The following PCDH10 variants were observed in gnomAD, a reference collection of about 807,000 sequenced individuals.
PCDH10 encodes protocadherin-10.
PCDH10 carries 15 observed loss-of-function variants against 74.4 expected under a neutral mutation model. The observed-to-expected ratio is 0.20, with a 90% CI of 0.13 to 0.31. The LOEUF is 0.31. Among genes scored for constraint, PCDH10 ranks in the 10% least tolerant of loss-of-function variants. The pLI, the probability that PCDH10 is intolerant of heterozygous loss-of-function variation, is 1.00. For synonymous variants in PCDH10, 619 were observed against 589.8 expected (o/e 1.05, Z -0.72); for missense variants, 1,260 against 1,390.2 (o/e 0.91, Z 1.49).
At chr4:133,173,003 C>T (rs560563788) in intron 4 of PCDH10, among the ~76,000 whole-genome samples, 2 of 152,036 alleles carry the variant, frequency 1.3e-5, no homozygotes, top group South Asian at 4.2e-4. Context: ...TTGATTGAAA[C>T]TTAATCCTTT....
At chr4:133,175,066 A>G (rs1313533891) in intron 4 of PCDH10, among the ~76,000 whole-genome samples, 1 of 151,850 alleles carries the variant, frequency 6.6e-6, no homozygotes, top group Non-Finnish European at 1.5e-5. Flanking sequence ...GTGTGCTTAT[A>G]TATCCAATAT....
In PCDH10 at chr4:133,151,029, G is replaced by T; in HGVS notation, c.889G>T (p.Ala297Ser). 6.2e-7 allele frequency: 1 copy of T among 1,613,912 alleles called. No individual in the cohort carries two copies. Among genetic ancestry groups the T allele is most frequent in the Non-Finnish European group, 8.5e-7 (1 of 1,180,042 alleles). Residue 297 changes from alanine (A) to serine (S), a missense_variant, in exon 1 of 5, where the codon GCG (alanine) becomes TCG (serine). Physicochemically the swap from Ala to Ser is moderately conservative, Grantham distance 99. Coordinates refer to ENST00000264360, the MANE Select transcript of PCDH10 (RefSeq NM_032961.3). The part of the protein sequence containing the change: ...YSFSSHISPR[A>S]RELFGLSPRT... ...CTTCAGCAGCCACATTTCGCCCCGG[G>T]CGCGGGAGCTTTTCGGACTCTCGCC...
At chr4:133,205,237 G>A (rs1727978869) in intron 2 of PCDH10, among the ~76,000 whole-genome samples, 1 of 152,132 alleles carries the variant, frequency 6.6e-6, no homozygotes, top group Admixed American at 6.6e-5. Context: ...CACTAAGGGT[G>A]AACAGTATCT....
intron 4 of PCDH10, among the ~76,000 whole-genome samples, chr4:133,178,340 G>T (rs1282438204): frequency 6.6e-6 from 1 of 151,804 alleles, no homozygotes; most frequent in Non-Finnish European, 1.5e-5. Flanking sequence ...GGATTCAAGC[G>T]ATTCTCCTGC....
chr4:133,157,872 T>C (rs1055165425), intron 3 of PCDH10, among the ~76,000 whole-genome samples: 1 of 152,188 alleles, frequency 6.6e-6, no homozygotes, highest in African/African-American at 2.4e-5. Context: ...TCACCAATGT[T>C]GTTCATAGAA....
In PCDH10 at chr4:133,191,844, A is replaced by G. The variant is rs1172959983; in HGVS notation, c.*1684A>G. The stretch of plus-strand genomic sequence containing the variant: ...TGATCTTATATTCAATGACAGTTTG[A>G]GCTGCACTGTGTTATTAAAGAATAG... On this transcript the variant is annotated 3_prime_UTR_variant, in exon 5 of 5. Transcript: ENST00000264360. 2 of 151,592 alleles carry G rather than the reference A, an allele frequency of 1.3e-5. No homozygotes were observed. The highest frequency in any genetic ancestry group is 3.2e-3 in the Middle Eastern group (1 of 316). 9.4% of individuals were successfully genotyped at this position (151,592 alleles called of 1,614,324 possible). A position where few individuals can be genotyped will look rare whatever the true frequency, so the allele number is the denominator to read the frequency against.
chr4:133,180,049 C>T (rs1727380885), intron 4 of PCDH10, among the ~76,000 whole-genome samples: 1 of 151,752 alleles, frequency 6.6e-6, no homozygotes, highest in Non-Finnish European at 1.5e-5. Context: ...TTCAAATTTT[C>T]ATAATTTTCT....
intron 1 of PCDH10, chr4:133,153,189 T>A (rs2125859498): frequency 9.2e-7 from 1 of 1,086,880 alleles, no homozygotes; most frequent in Middle Eastern, 4.3e-4. Flanking sequence ...GGCTCTATTT[T>A]GCTTTGTTTA....
At chr4:133,185,334 C>A (rs79071323) in intron 4 of PCDH10, among the ~76,000 whole-genome samples, 9,175 of 151,520 alleles carry the variant, frequency 0.061, 736 homozygotes, top group African/African-American at 0.19. Context: ...AAAAATCAAG[C>A]AGTTACCCTC....
chr4:133,201,737 T>C (rs1485444188), intron 2 of PCDH10, among the ~76,000 whole-genome samples: 1 of 150,066 alleles, frequency 6.7e-6, no homozygotes, highest in African/African-American at 2.5e-5. Context: ...ATGCCTGTAA[T>C]CCCAGCTACT....
chr4:133,164,051 G>A (rs1050409658), intron 4 of PCDH10: 8 of 455,380 alleles, frequency 1.8e-5, no homozygotes, highest in African/African-American at 1.4e-4. Flanking sequence ...ACATTGTAGT[G>A]ACAACAATAG....
downstream of PCDH10, among the ~76,000 whole-genome samples, chr4:133,196,855 G>A (rs1426251983): frequency 5.9e-5 from 9 of 152,182 alleles, no homozygotes. Context: ...CACAATGCAA[G>A]TAGTATATGT....
chr4:133,155,559 A>G (rs1726849385), intron 3 of PCDH10, among the ~76,000 whole-genome samples: 1 of 152,204 alleles, frequency 6.6e-6, no homozygotes, highest in Admixed American at 6.5e-5. Context: ...TTGAAAACAG[A>G]GTTTCTAATC....
At chr4:133,178,896 A>G (rs1196141795) in intron 4 of PCDH10, among the ~76,000 whole-genome samples, 2 of 144,702 alleles carry the variant, frequency 1.4e-5, no homozygotes, top group Admixed American at 7.4e-5. Flanking sequence ...TTTTTTCTTC[A>G]TTAAATGTTA....
intron 4 of PCDH10, 21 bp from the exon 5 acceptor site, chr4:133,190,120 A>AT: frequency 6.3e-7 from 1 of 1,599,976 alleles, no homozygotes; most frequent in Non-Finnish European, 8.6e-7. Context: ...TTCTTAGAGT[A>AT]TTTTTCTTTC....
At chr4:133,204,513 G>T (rs1357925325) in intron 2 of PCDH10, among the ~76,000 whole-genome samples, 3 of 152,156 alleles carry the variant, frequency 2.0e-5, no homozygotes, top group African/African-American at 7.2e-5. Context: ...CCAACCATCA[G>T]TCATGCCCAT....
chr4:133,204,986 C>A (rs2125878787), intron 2 of PCDH10, among the ~76,000 whole-genome samples: 1 of 152,252 alleles, frequency 6.6e-6, no homozygotes, highest in East Asian at 1.9e-4. Flanking sequence ...CACCCTGGTT[C>A]CAAGGGGATG....
intron 1 of PCDH10, chr4:133,153,188 T>A (rs1726780637): frequency 9.2e-7 from 1 of 1,086,784 alleles, no homozygotes; most frequent in Non-Finnish European, 1.1e-6. Flanking sequence ...TGGCTCTATT[T>A]TGCTTTGTTT....
Position 133,152,145 on chromosome 4 carries a change from T to A in PCDH10, c.2005T>A (p.Ser669Thr). The change falls in exon 1 of 5, where the codon TCC (serine) becomes ACC (threonine). Residue 669 changes from serine (S) to threonine (T), a missense_variant. By Grantham distance (58) the Ser-to-Thr change is moderately conservative (BLOSUM62 1). Transcript: ENST00000264360. ...EVRDHGQPPL[S>T]STATLVVQLV... Reference sequence around the variant, plus strand: ...GCGCGACCATGGGCAGCCGCCCCTTTCCTCCACCGCCACCCTGGTGGTTCA... The same window carrying A: ...GCGCGACCATGGGCAGCCGCCCCTTACCTCCACCGCCACCCTGGTGGTTCA... 1 of 1,565,470 alleles carries A rather than the reference T, an allele frequency of 6.4e-7. No homozygotes were observed. Among genetic ancestry groups the A allele is most frequent in the Non-Finnish European group, 8.6e-7 (1 of 1,156,648 alleles).
Sources: gnomAD v4.1 joint callset for allele counts (sites outside exome capture counted in the v4.1 genomes callset) on GRCh38, gnomAD v4.1.1 for gene constraint, MANE v1.5 for transcripts, NCBI Gene and HGNC (gene_info 2026-07-23, HGNC 2026-07-21) for gene names.